The following MYCBP2 variants were observed in gnomAD, a reference collection of about 807,000 sequenced individuals.
MYCBP2 encodes MYC binding protein 2.
Under a neutral mutation model 525.3 loss-of-function variants are expected in MYCBP2, and 120 were observed. The observed-to-expected ratio is 0.23, with a 90% CI of 0.20 to 0.27. The LOEUF (loss-of-function observed/expected upper bound fraction) is 0.27. Among genes scored for constraint, MYCBP2 ranks in the 10% least tolerant of loss-of-function variants. MYCBP2 has a pLI of 1.00. For missense variants in MYCBP2, 4,149 were observed against 5,657.1 expected, an observed-to-expected ratio of 0.73 and a Z score of 8.55; for synonymous variants, 1,894 against 1,955.8, an observed-to-expected ratio of 0.97 and a Z score of 0.83.
At chr13:77,179,675 A>G (rs1435300446) in intron 34 of MYCBP2, among the ~76,000 whole-genome samples, 1 of 152,246 alleles carries the variant, frequency 6.6e-6, no homozygotes, top group Non-Finnish European at 1.5e-5. Context: ...GAGGTGAAAT[A>G]AAAATTATTA....
At chr13:77,311,717 C>A (rs908964536) in intron 1 of MYCBP2, among the ~76,000 whole-genome samples, 1 of 150,598 alleles carries the variant, frequency 6.6e-6, no homozygotes, top group African/African-American at 2.4e-5. Context: ...ATAAAAATAA[C>A]CTCATCTGAA....
In MYCBP2 at chr13:77,056,099, G is replaced by GGTGTGTGTGTGT. The variant is rs56952443; in HGVS notation, c.13438-344_13438-333dup. The stretch of plus-strand genomic sequence containing the variant: ...CACAAATAAGACACGCTCTGTGTTT[G>GGTGTGTGTGTGT]GTGTGTGTGTGTGTGTGTGTGTGTG... On this transcript the variant is annotated intron_variant, in intron 79 of 82. Transcript: ENST00000544440. Among the ~76,000 whole-genome samples, 511 of 120,582 alleles carry GGTGTGTGTGTGT rather than the reference G, an allele frequency of 4.2e-3. 3 individuals carry two copies. The highest frequency in any genetic ancestry group is 0.012 in the Middle Eastern group (3 of 248). The allele number at this position is 120,582 out of a possible 152,430, so 79.1% of individuals were successfully genotyped here.
At chr13:77,255,156 G>A (rs955802470) in intron 14 of MYCBP2, among the ~76,000 whole-genome samples, 1 of 151,888 alleles carries the variant, frequency 6.6e-6, no homozygotes, top group Non-Finnish European at 1.5e-5. Flanking sequence ...TCCATTTTCA[G>A]TTTTTTGAGT....
At chr13:77,165,938 C>T (rs185244508) in intron 41 of MYCBP2, among the ~76,000 whole-genome samples, 7 of 152,232 alleles carry the variant, frequency 4.6e-5, no homozygotes, top group South Asian at 2.1e-4. Flanking sequence ...AAGTGGTTTA[C>T]GAATTCTCTT....
In MYCBP2 at chr13:77,190,290, T is replaced by C; in HGVS notation, c.4116A>G (p.Thr1372=). Residue 1372 remains threonine, a synonymous_variant, in exon 29 of 83, where the codon ACA becomes ACG. Transcript: ENST00000544440. The stretch of plus-strand genomic sequence containing the variant: ...GAGGTATCTGACCCGCATTAACATC[T>C]GTACCATTATTTGATTTCTTTGAAC... The part of the protein sequence containing the change: ...FKSSKKSNNG[T]DVNAGQIPQL... 1 of 1,610,434 alleles carries C rather than the reference T, an allele frequency of 6.2e-7. No individual in the cohort carries two copies. The highest frequency in any genetic ancestry group is 1.7e-5 in the Admixed American group (1 of 59,980).
chr13:77,199,888 C>T (rs989081289), intron 26 of MYCBP2, among the ~76,000 whole-genome samples: 2 of 152,190 alleles, frequency 1.3e-5, no homozygotes, highest in African/African-American at 4.8e-5. Context: ...AAAAACCCAT[C>T]TGTACATCAC....
At chr13:77,132,380 CAATT>C (rs1364026029) in intron 52 of MYCBP2, among the ~76,000 whole-genome samples, 1 of 152,080 alleles carries the variant, frequency 6.6e-6, no homozygotes, top group African/African-American at 2.4e-5. Flanking sequence ...CCAATTTTAT[CAATT>C]AACCCAGGTG....
At chr13:77,118,899 G>A (rs1032765278) in intron 55 of MYCBP2, among the ~76,000 whole-genome samples, 2 of 152,108 alleles carry the variant, frequency 1.3e-5, no homozygotes, top group African/African-American at 4.8e-5. Context: ...ATACCACCCT[G>A]CCTCATCGGC....
chr13:77,240,247 T>A (rs2068609045), intron 17 of MYCBP2, among the ~76,000 whole-genome samples: 1 of 152,204 alleles, frequency 6.6e-6, no homozygotes, highest in African/African-American at 2.4e-5. Flanking sequence ...TGAATGACTC[T>A]GAAGTTTGAT....
chr13:77,290,526 C>A (rs1000613620), intron 2 of MYCBP2, among the ~76,000 whole-genome samples: 5 of 152,174 alleles, frequency 3.3e-5, no homozygotes, highest in Admixed American at 3.3e-4. Flanking sequence ...GAAATGCTTA[C>A]TCATCAAGGA....
At chr13:77,164,200 A>G (rs1420766511) in intron 43 of MYCBP2, among the ~76,000 whole-genome samples, 1 of 152,134 alleles carries the variant, frequency 6.6e-6, no homozygotes, top group Non-Finnish European at 1.5e-5. Flanking sequence ...GAATATACAC[A>G]CTATACCCAC....
At chr13:77,186,562 A>G (rs56870536) in intron 30 of MYCBP2, among the ~76,000 whole-genome samples, 171 of 152,318 alleles carry the variant, frequency 1.1e-3, no homozygotes, top group African/African-American at 4.0e-3. Context: ...ACTACAGTCA[A>G]TTTTTGATAA....
chr13:77,263,789 C>T lies in MYCBP2; in HGVS notation c.1432G>A (p.Asp478Asn), dbSNP rs1370328282. The change falls in exon 10 of 83, where the codon GAT (aspartate) becomes AAT (asparagine). Residue 478 changes from aspartate (D) to asparagine (N), a missense_variant and splice_region_variant. By Grantham distance (23) the Asp-to-Asn change is conservative (BLOSUM62 1). Coordinates refer to ENST00000544440, the MANE Select transcript of MYCBP2 (RefSeq NM_015057.5). ...GCAAATATTCTGACAACAAAGCCAT[C>T]CTAAGAAAAATAAAACATCCACAGC... ...YINQIAASRD[D>N]GFVVRIFATS... 1 of 1,612,524 alleles carries T rather than the reference C, an allele frequency of 6.2e-7. No individual in the cohort carries two copies. The highest frequency in any genetic ancestry group is 1.3e-5 in the African/African-American group (1 of 74,836).
chr13:77,240,957 C>G (rs2068727357), intron 17 of MYCBP2, among the ~76,000 whole-genome samples: 1 of 152,182 alleles, frequency 6.6e-6, no homozygotes, highest in Admixed American at 6.5e-5. Context: ...CACCAATAAT[C>G]TGAACAAAGT....
rs186053136 is a variant in MYCBP2 at position 77,122,440 on chromosome 13, G to A, written c.8018-945C>T. ...TCCTTGGCCGGTCGCGGTGGCTTACGCTTGTAATCCCAGCACTTTGGGAGG... is the reference window on the plus strand; with the variant it reads ...TCCTTGGCCGGTCGCGGTGGCTTACACTTGTAATCCCAGCACTTTGGGAGG... On this transcript the variant is annotated intron_variant, in intron 54 of 82. Coordinates refer to ENST00000544440, the MANE Select transcript of MYCBP2 (RefSeq NM_015057.5). Among the ~76,000 whole-genome samples, 258 of 151,906 alleles carry A rather than the reference G, an allele frequency of 1.7e-3. 4 individuals carry two copies. Among genetic ancestry groups the A allele is most frequent in the African/African-American group, 5.4e-3 (224 of 41,444 alleles).
intron 52 of MYCBP2, among the ~76,000 whole-genome samples, chr13:77,131,520 AC>A (rs1353485045): frequency 1.5e-5 from 2 of 130,520 alleles, no homozygotes; most frequent in African/African-American, 6.7e-5. Flanking sequence ...ACAAACAAAC[AC>A]ACACACACAC....
intron 15 of MYCBP2, among the ~76,000 whole-genome samples, chr13:77,246,533 AAGG>A (rs1206630646): frequency 6.6e-6 from 1 of 150,616 alleles, no homozygotes; most frequent in Admixed American, 6.6e-5. Context: ...GGAGGAAAAG[AAGG>A]AGAAGGAGGA....
intron 73 of MYCBP2, among the ~76,000 whole-genome samples, chr13:77,063,340 C>G (rs2039639572): frequency 6.6e-6 from 1 of 152,074 alleles, no homozygotes; most frequent in African/African-American, 2.4e-5. Flanking sequence ...GGTGGATCAC[C>G]TGAGGTCAGG....
intron 4 of MYCBP2, among the ~76,000 whole-genome samples, chr13:77,274,579 C>T (rs1333601364): frequency 1.3e-5 from 2 of 152,132 alleles, no homozygotes; most frequent in African/African-American, 4.8e-5. Context: ...TATCTGGTAA[C>T]TTACAGAAAC....
Sources: gnomAD v4.1 joint callset for allele counts (sites outside exome capture counted in the v4.1 genomes callset) on GRCh38, gnomAD v4.1.1 for gene constraint, MANE v1.5 for transcripts, NCBI Gene and HGNC (gene_info 2026-07-23, HGNC 2026-07-21) for gene names.